Variants in GRID2 observed in about 807,000 individuals in gnomAD.
GRID2 encodes glutamate ionotropic receptor delta type subunit 2.
Under a neutral mutation model 114.8 loss-of-function variants are expected in GRID2, and 33 were observed. That is an observed-to-expected ratio of 0.29 (90% confidence interval 0.22 to 0.38). The LOEUF is 0.38. Ranked by LOEUF, GRID2 falls within the 10% of genes least tolerant of loss-of-function variation. GRID2 has a pLI of 1.00. For synonymous variants in GRID2, 505 were observed against 449.9 expected (o/e 1.12, Z -1.55); for missense variants, 1,184 against 1,257.7 (o/e 0.94, Z 0.89).
chr4:93,444,607 A>T (rs1188997588), intron 10 of GRID2, among the ~76,000 whole-genome samples: 1 of 152,036 alleles, frequency 6.6e-6, no homozygotes, highest in Non-Finnish European at 1.5e-5. Context: ...ACATTCAAAA[A>T]AGTCCTTCAA....
At chr4:92,796,825 G>T (rs147662765) in intron 2 of GRID2, among the ~76,000 whole-genome samples, 2 of 151,518 alleles carry the variant, frequency 1.3e-5, no homozygotes, top group African/African-American at 4.8e-5. Flanking sequence ...CCCCTTCCTC[G>T]TCAGATAATG....
chr4:92,660,748 C>T (rs749905754), intron 2 of GRID2, among the ~76,000 whole-genome samples: 9 of 151,048 alleles, frequency 6.0e-5, no homozygotes, highest in African/African-American at 1.7e-4. Context: ...CCAATAAAAC[C>T]TCTTTGCCTT....
At chr4:92,806,069 A>C (rs1178827200) in intron 2 of GRID2, among the ~76,000 whole-genome samples, 4 of 151,700 alleles carry the variant, frequency 2.6e-5, no homozygotes, top group Non-Finnish European at 5.9e-5. Flanking sequence ...TCTCTCAAAC[A>C]TCATTTATTC....
intron 8 of GRID2, among the ~76,000 whole-genome samples, chr4:93,312,047 C>T (rs1023083459): frequency 3.9e-5 from 6 of 152,030 alleles, no homozygotes; most frequent in Admixed American, 1.3e-4. Flanking sequence ...TCTCTGCTTC[C>T]ATTATCACTC....
chr4:92,955,609 T>C (rs1332473447), intron 2 of GRID2, among the ~76,000 whole-genome samples: 1 of 152,174 alleles, frequency 6.6e-6, no homozygotes, highest in Admixed American at 6.5e-5. Flanking sequence ...GTGCAGAAGC[T>C]CTTTAGTTTA....
chr4:92,974,799 C>T (rs772350099), intron 2 of GRID2, among the ~76,000 whole-genome samples: 4 of 151,892 alleles, frequency 2.6e-5, no homozygotes, highest in Admixed American at 6.6e-5. Flanking sequence ...CAAAACTGCA[C>T]GTTCTGCACA....
At chr4:93,620,850 G>T (rs1321900220) in intron 13 of GRID2, among the ~76,000 whole-genome samples, 1 of 152,066 alleles carries the variant, frequency 6.6e-6, no homozygotes, top group African/African-American at 2.4e-5. Context: ...AAATATTTGG[G>T]GTTTTCTTAT....
chr4:93,123,438 A>C (rs1733976872), intron 4 of GRID2, among the ~76,000 whole-genome samples: 1 of 152,152 alleles, frequency 6.6e-6, no homozygotes. Context: ...TCCTTCTCTA[A>C]TCCATTTTTC....
chr4:92,635,830 A>G (rs1200927697), intron 2 of GRID2, among the ~76,000 whole-genome samples: 2 of 152,106 alleles, frequency 1.3e-5, no homozygotes, highest in East Asian at 3.9e-4. Context: ...TTTATTTACT[A>G]GAGTTTATTG....
At chr4:93,221,981 A>G in intron 6 of GRID2, among the ~76,000 whole-genome samples, 1 of 152,168 alleles carries the variant, frequency 6.6e-6, no homozygotes, top group East Asian at 1.9e-4. Flanking sequence ...GATAGAACCC[A>G]GGTTACCAGA....
intron 14 of GRID2, among the ~76,000 whole-genome samples, chr4:93,747,568 CTT>C (rs1318259645): frequency 1.3e-5 from 2 of 152,146 alleles, no homozygotes; most frequent in Non-Finnish European, 2.9e-5. Context: ...ATGGGGGACA[CTT>C]TGTGAAAAGT....
At chr4:93,414,712 T>A (rs958297822) in intron 9 of GRID2, among the ~76,000 whole-genome samples, 3 of 150,574 alleles carry the variant, frequency 2.0e-5, no homozygotes, top group Non-Finnish European at 3.0e-5. Context: ...TATATTTCCT[T>A]TTTTGTTTGT....
chr4:93,178,430 T>C (rs888371116), intron 4 of GRID2, among the ~76,000 whole-genome samples: 2 of 132,226 alleles, frequency 1.5e-5, no homozygotes, highest in Non-Finnish European at 3.1e-5. Context: ...GGAATCTTGC[T>C]CTGCTTCTCA....
At position 92,942,616 on chromosome 4, in the gene GRID2, T is replaced by G. The variant is rs574655720; in HGVS notation, c.245-142379T>G. On this transcript the variant is annotated intron_variant, in intron 2 of 15. Coordinates refer to ENST00000282020, the MANE Select transcript of GRID2 (RefSeq NM_001510.4). The stretch of plus-strand genomic sequence containing the variant: ...TGTGAATTTGATCCTGTCATTATGA[T>G]GTTAGCTGGTTATTTTGCTCATTAG... Among the ~76,000 whole-genome samples the G allele has an allele frequency of 6.6e-5, 10 of 152,318 alleles. No homozygotes were observed. In the East Asian group the frequency reaches 1.9e-3, roughly 29 times the overall value.
chr4:93,422,538 C>T (rs568973652), intron 9 of GRID2, among the ~76,000 whole-genome samples: 111 of 152,126 alleles, frequency 7.3e-4, no homozygotes, highest in African/African-American at 2.4e-3. Flanking sequence ...TTTTTAGTTA[C>T]TTTTATCTAA....
chr4:93,013,277 A>T (rs1232323696), intron 2 of GRID2, among the ~76,000 whole-genome samples: 1 of 152,002 alleles, frequency 6.6e-6, no homozygotes, highest in African/African-American at 2.4e-5. Context: ...TAAGAGTTTT[A>T]TAGCCTTCTT....
intron 8 of GRID2, among the ~76,000 whole-genome samples, chr4:93,368,772 G>T (rs1317661056): frequency 1.3e-5 from 2 of 151,982 alleles, no homozygotes; most frequent in African/African-American, 4.8e-5. Context: ...TCATAAAATG[G>T]GATTAGTCTT....
At chr4:92,651,830 T>C (rs1035710420) in intron 2 of GRID2, among the ~76,000 whole-genome samples, 1 of 152,158 alleles carries the variant, frequency 6.6e-6, no homozygotes, top group Non-Finnish European at 1.5e-5. Flanking sequence ...AGAGTGGGGT[T>C]GTAGTACTGC....
At chr4:92,442,601 G>C (rs1334394862) in intron 1 of GRID2, among the ~76,000 whole-genome samples, 6 of 152,006 alleles carry the variant, frequency 3.9e-5, no homozygotes, top group Admixed American at 3.9e-4. Flanking sequence ...TCCTGTTGTG[G>C]GGTTTGAGGG....
Sources: allele counts gnomAD v4.1 joint callset (sites outside exome capture counted in the v4.1 genomes callset), GRCh38; gene constraint gnomAD v4.1.1; transcripts MANE v1.5; gene names NCBI Gene and HGNC (gene_info 2026-07-23, HGNC 2026-07-21).